The following FAT1 variants were observed in gnomAD, a reference collection of about 807,000 sequenced individuals.
FAT1 encodes the protein protocadherin Fat 1.
In FAT1, 171 loss-of-function variants were observed where a neutral mutation model predicts 329.8. That is an observed-to-expected ratio of 0.52 (90% confidence interval 0.46 to 0.59). The LOEUF (loss-of-function observed/expected upper bound fraction) is 0.59. Among genes scored for constraint, FAT1 ranks in the 20% least tolerant of loss-of-function variants. The pLI is 0.00. For synonymous variants in FAT1, 2,233 were observed against 2,228.6 expected (o/e 1.00, Z -0.06); for missense variants, 5,672 against 5,774.4 (o/e 0.98, Z 0.57).
intron 2 of FAT1, among the ~76,000 whole-genome samples, chr4:186,669,144 G>A (rs76980260): frequency 7.2e-5 from 11 of 152,156 alleles, no homozygotes; most frequent in East Asian, 1.9e-4. Context: ...TCCCCTCTGC[G>A]CTCCCCTCCT....
chr4:186,633,390 T>C (rs1406052267), intron 7 of FAT1, among the ~76,000 whole-genome samples: 1 of 152,194 alleles, frequency 6.6e-6, no homozygotes, highest in Non-Finnish European at 1.5e-5. Context: ...GATGTTAACA[T>C]AGTTTAAAAT....
At chr4:186,719,304 A>G (rs148455277) in intron 1 of FAT1, among the ~76,000 whole-genome samples, 23 of 152,336 alleles carry the variant, frequency 1.5e-4, no homozygotes, top group African/African-American at 5.1e-4. Context: ...CCTTCACTAT[A>G]TAAGAGTTCT....
At chr4:186,592,397 A>AC in intron 26 of FAT1, among the ~76,000 whole-genome samples, 1 of 152,326 alleles carries the variant, frequency 6.6e-6, no homozygotes. Context: ...GTTTCAAAAA[A>AC]ATTTTAGGTA....
intron 24 of FAT1, chr4:186,597,404 C>G: frequency 1.7e-6 from 1 of 588,676 alleles, no homozygotes; most frequent in Non-Finnish European, 2.9e-6. Context: ...GGAAACATAT[C>G]AAGCCAATAT....
chr4:186,692,436 C>T (rs1220089701), intron 2 of FAT1, among the ~76,000 whole-genome samples: 1 of 152,144 alleles, frequency 6.6e-6, no homozygotes, highest in Non-Finnish European at 1.5e-5. Flanking sequence ...CCTCAGCCTC[C>T]CGAGTAGCTG....
intron 16 of FAT1, among the ~76,000 whole-genome samples, chr4:186,606,604 C>T (rs1353837257): frequency 6.6e-6 from 1 of 152,154 alleles, no homozygotes; most frequent in Non-Finnish European, 1.5e-5. Context: ...CAAGTTTGCT[C>T]TCAGTGGAAG....
rs551912222 is a variant in FAT1 at position 186,708,131 on chromosome 4, G to A, written c.1697C>T (p.Thr566Ile). Residue 566 changes from threonine to isoleucine, a missense_variant, in exon 2 of 27, where the codon ACA becomes ATA. Around this residue, in one of 2 missense-constraint regions of FAT1, gnomAD observed 3,966 missense variants for 3,915.2 expected, o/e 1.01. Coordinates refer to ENST00000441802, the MANE Select transcript of FAT1 (RefSeq NM_005245.4). ...ACAATTTATTTTCTCAAACAAAGGT[G>A]TGTTGTCATTCAAGTTATTGAGAGT... ...TITLNNLNDNTPLFEKINCEG... is the reference protein window; with the variant it reads ...TITLNNLNDNIPLFEKINCEG... 66 of 1,613,976 alleles carry A rather than the reference G, an allele frequency of 4.1e-5. No individual in the cohort carries two copies. The South Asian group carries it at 6.7e-4, about 16-fold the overall frequency.
chr4:186,709,925 TA>T (rs1561012840), intron 1 of FAT1, 80 bp from the exon 2 acceptor site: 12 of 1,292,136 alleles, frequency 9.3e-6, no homozygotes, highest in African/African-American at 3.0e-5. Flanking sequence ...AACTTCTCAT[TA>T]AAAAAATATT....
In FAT1 at chr4:186,620,369, C is replaced by T; in HGVS notation, c.6217G>A (p.Asp2073Asn). The change falls in exon 10 of 27, where the codon GAC becomes AAC. Residue 2073 changes from aspartate (D) to asparagine (N), a missense_variant. Physicochemically the swap from Asp to Asn is conservative, Grantham distance 23. Coordinates refer to ENST00000441802, the MANE Select transcript of FAT1 (RefSeq NM_005245.4). Reference protein sequence around the residue: ...AHVVVKVIVEDQNDNAPVFVN... With the variant: ...AHVVVKVIVENQNDNAPVFVN... Reference sequence around the variant, plus strand: ...AACACCGGCGCATTATCATTTTGGTCTTCTACAATGACCTTCACGACAACG... The same window carrying T: ...AACACCGGCGCATTATCATTTTGGTTTTCTACAATGACCTTCACGACAACG... 1 of 1,613,998 alleles carries T rather than the reference C, an allele frequency of 6.2e-7. No homozygotes were observed.
intron 3 of FAT1, among the ~76,000 whole-genome samples, chr4:186,649,965 C>T (rs1006721942): frequency 6.6e-6 from 1 of 152,188 alleles, no homozygotes; most frequent in Non-Finnish European, 1.5e-5. Flanking sequence ...CACTGGTGAA[C>T]AATTCCATTA....
rs1174197777 is a variant in FAT1 at position 186,620,154 on chromosome 4, G to A, written c.6432C>T (p.Asp2144=). ...TAACAAGATATTCTTTATTTAAGGT[G>A]TCAAGCTCAAATTGCTTTTTCAGTG... ...EISLKKQFEL[D]TLNKEYLVTV... The change falls in exon 10 of 27, where the codon GAC becomes GAT. Residue 2144 remains aspartate, a synonymous_variant. Coordinates refer to ENST00000441802, the MANE Select transcript of FAT1 (RefSeq NM_005245.4). The A allele has an allele frequency of 2.5e-6, 4 of 1,614,026 alleles. No individual in the cohort carries two copies. Among genetic ancestry groups the A allele is most frequent in the Non-Finnish European group, 3.4e-6 (4 of 1,179,902 alleles).
chr4:186,609,542 G>A (rs771877258), intron 15 of FAT1, among the ~76,000 whole-genome samples: 8 of 151,904 alleles, frequency 5.3e-5, no homozygotes, highest in Admixed American at 2.0e-4. Flanking sequence ...TCAGCCTCCC[G>A]AGTAGCTGGG....
chr4:186,663,242 TC>T (rs1742263888), intron 3 of FAT1, 56 bp downstream of exon 3: 1 of 1,291,464 alleles, frequency 7.7e-7, no homozygotes, highest in African/African-American at 1.5e-5. Context: ...TTCTTACTTT[TC>T]CCCCTAACAG....
At chr4:186,630,626 TG>T (rs936908180) in intron 7 of FAT1, among the ~76,000 whole-genome samples, 6 of 152,268 alleles carry the variant, frequency 3.9e-5, no homozygotes, top group African/African-American at 1.4e-4. Flanking sequence ...GCGTGCTTAC[TG>T]GGTGACAGGC....
At chr4:186,591,813 G>A (rs1579283100) in intron 26 of FAT1, among the ~76,000 whole-genome samples, 2 of 152,272 alleles carry the variant, frequency 1.3e-5, no homozygotes, top group Middle Eastern at 3.4e-3. Flanking sequence ...GGGGCCCAGA[G>A]CTATCCTCCC....
At position 186,703,710 on chromosome 4, in the gene FAT1, C is replaced by G. The variant is rs565425335; in HGVS notation, c.3265+2853G>C. On this transcript the variant is annotated intron_variant, in intron 2 of 26. Coordinates refer to ENST00000441802, the MANE Select transcript of FAT1 (RefSeq NM_005245.4). ...GCAAGGAGCGAAGTTCCAGCAAGCA[C>G]CAGCCTGGCCTGGGCCGGGTGCACG... 2.6e-5 allele frequency among the ~76,000 whole-genome samples: 4 copies of G among 152,358 alleles called. No individual in the cohort carries two copies. In the South Asian group the frequency reaches 8.3e-4, roughly 32 times the overall value.
chr4:186,706,028 C>A (rs933926615), intron 2 of FAT1, among the ~76,000 whole-genome samples: 3 of 152,166 alleles, frequency 2.0e-5, no homozygotes, highest in African/African-American at 4.8e-5. Context: ...TGCCACTACC[C>A]CGCCTCTGCC....
intron 3 of FAT1, among the ~76,000 whole-genome samples, chr4:186,660,009 G>A (rs1354088185): frequency 6.6e-6 from 1 of 152,118 alleles, no homozygotes; most frequent in Non-Finnish European, 1.5e-5. Context: ...TCACAAAATC[G>A]AAGGACCTGG....
At chr4:186,611,032 T>A (rs1191797152) in intron 14 of FAT1, among the ~76,000 whole-genome samples, 1 of 152,168 alleles carries the variant, frequency 6.6e-6, no homozygotes, top group Non-Finnish European at 1.5e-5. Flanking sequence ...GAAGTTACCA[T>A]CCATGAGTCT....
Sources: allele counts gnomAD v4.1 joint callset (sites outside exome capture counted in the v4.1 genomes callset), GRCh38; gene constraint gnomAD v4.1.1; regional missense constraint gnomAD v4.1.1; transcripts MANE v1.5; gene names NCBI Gene and HGNC (gene_info 2026-07-23, HGNC 2026-07-21).